MAGI2: variants seen among roughly 807,000 people sequenced by gnomAD.
MAGI2 encodes membrane-associated guanylate kinase, WW and PDZ domain-containing protein 2.
MAGI2 carries 35 observed loss-of-function variants against 133.3 expected under a neutral mutation model. That is an observed-to-expected ratio of 0.26 (90% CI 0.20 to 0.35). MAGI2 has a LOEUF of 0.35. MAGI2 is among the 10% of genes least tolerant of loss of function. The pLI is 1.00. For synonymous variants in MAGI2, 729 were observed against 710.6 expected (o/e 1.03, Z -0.41); for missense variants, 1,636 against 1,863.4 (o/e 0.88, Z 2.25).
intron 2 of MAGI2, among the ~76,000 whole-genome samples, chr7:78,666,994 C>A (rs182282429): frequency 6.6e-6 from 1 of 152,076 alleles, no homozygotes; most frequent in Admixed American, 6.6e-5. Flanking sequence ...TATATTTTAA[C>A]TCATTGCAAA....
chr7:78,351,641 C>G (rs900192181), intron 7 of MAGI2: 1 of 152,038 alleles, frequency 6.6e-6, no homozygotes, highest in African/African-American at 2.4e-5. Flanking sequence ...TTCCAATTCC[C>G]CATCTCTGCA....
At chr7:78,731,875 T>C (rs1821397314) in intron 2 of MAGI2, among the ~76,000 whole-genome samples, 1 of 152,184 alleles carries the variant, frequency 6.6e-6, no homozygotes, top group African/African-American at 2.4e-5. Flanking sequence ...TTCTTCTGCA[T>C]ACGTGTACTC....
At chr7:78,227,834 C>T (rs373007250) in intron 10 of MAGI2, among the ~76,000 whole-genome samples, 2 of 117,992 alleles carry the variant, frequency 1.7e-5, no homozygotes, top group Admixed American at 1.8e-4. Flanking sequence ...AAATACCATA[C>T]TGCCTTCTTA....
chr7:78,078,788 ATGTG>A (rs67657112), intron 21 of MAGI2, 155 bp downstream of exon 21: 4,416 of 608,190 alleles, frequency 7.3e-3, no homozygotes, highest in East Asian at 0.031. Flanking sequence ...GTGTGTGTGT[ATGTG>A]TGTGTGTGTG....
At chr7:79,330,180 C>CTGTTT (rs1839963934) in intron 1 of MAGI2, among the ~76,000 whole-genome samples, 1 of 59,126 alleles carries the variant, frequency 1.7e-5, no homozygotes, top group Non-Finnish European at 2.8e-5. Context: ...CAATCTGCAT[C>CTGTTT]TTTTTTTTTT....
intron 2 of MAGI2, among the ~76,000 whole-genome samples, chr7:78,960,697 C>T (rs1802762173): frequency 6.6e-6 from 1 of 152,174 alleles, no homozygotes; most frequent in African/African-American, 2.4e-5. Flanking sequence ...GTCTTTTACA[C>T]TGATAATAAG....
intron 21 of MAGI2, among the ~76,000 whole-genome samples, chr7:78,026,498 G>GA (rs969885665): frequency 6.6e-6 from 1 of 152,252 alleles, no homozygotes; most frequent in African/African-American, 2.4e-5. Context: ...ATCCTGTGCT[G>GA]AAGACACAGA....
intron 9 of MAGI2, among the ~76,000 whole-genome samples, chr7:78,282,498 G>A (rs142912496): frequency 6.6e-6 from 1 of 152,014 alleles, no homozygotes; most frequent in Non-Finnish European, 1.5e-5. Flanking sequence ...ATCAGAGACC[G>A]TGTAGCCCAT....
intron 3 of MAGI2, among the ~76,000 whole-genome samples, chr7:78,598,959 G>A (rs979454602): frequency 2.6e-5 from 4 of 152,108 alleles, no homozygotes; most frequent in Non-Finnish European, 4.4e-5. Context: ...TGTCAGGAAC[G>A]CATTGGATTC....
intron 21 of MAGI2, chr7:78,078,072 G>A (rs960202252): frequency 6.6e-5 from 10 of 151,374 alleles, no homozygotes; most frequent in African/African-American, 2.4e-4. Context: ...AAGGATGAAA[G>A]TGAGTCAATT....
chr7:79,334,675 C>T (rs963185764), intron 1 of MAGI2, among the ~76,000 whole-genome samples: 1 of 152,138 alleles, frequency 6.6e-6, no homozygotes, highest in Admixed American at 6.5e-5. Flanking sequence ...TACCTCTAGC[C>T]ATATTGCTCT....
chr7:79,203,393 A>G (rs1193654111), intron 1 of MAGI2, among the ~76,000 whole-genome samples: 2 of 152,040 alleles, frequency 1.3e-5, no homozygotes, highest in African/African-American at 4.8e-5. Context: ...GCCCTATTTC[A>G]TCTGGTCCTG....
chr7:78,075,148 C>T (rs567828110), intron 21 of MAGI2, among the ~76,000 whole-genome samples: 5 of 152,270 alleles, frequency 3.3e-5, no homozygotes, highest in East Asian at 1.9e-4. Context: ...CCTGCATCAC[C>T]GGCTCTAGTG....
chr7:78,955,675 T>TCCTC (rs1178327376), intron 2 of MAGI2, among the ~76,000 whole-genome samples: 3 of 146,216 alleles, frequency 2.1e-5, no homozygotes, highest in African/African-American at 7.7e-5. Flanking sequence ...TTTCCTTCCT[T>TCCTC]CCTCCCTCCC....
At chr7:79,336,405 G>C (rs1585618301) in intron 1 of MAGI2, among the ~76,000 whole-genome samples, 1 of 151,736 alleles carries the variant, frequency 6.6e-6, no homozygotes, top group African/African-American at 2.4e-5. Context: ...AATAAAACTA[G>C]GATGATCTAT....
intron 2 of MAGI2, among the ~76,000 whole-genome samples, chr7:78,890,448 C>T (rs1796647736): frequency 6.6e-6 from 1 of 152,166 alleles, no homozygotes; most frequent in Non-Finnish European, 1.5e-5. Context: ...CACACCACAC[C>T]TATTCCAAAA....
chr7:79,330,357 C>T (rs1278344894), intron 1 of MAGI2, among the ~76,000 whole-genome samples: 1 of 151,732 alleles, frequency 6.6e-6, no homozygotes, highest in Non-Finnish European at 1.5e-5. Context: ...CCACGCCCGG[C>T]TAATTTTTTT....
At chr7:79,060,316 C>T (rs1395260453) in intron 1 of MAGI2, among the ~76,000 whole-genome samples, 1 of 151,480 alleles carries the variant, frequency 6.6e-6, no homozygotes, top group Non-Finnish European at 1.5e-5. Flanking sequence ...ACAATATGGC[C>T]CCAATTTTAT....
intron 1 of MAGI2, among the ~76,000 whole-genome samples, chr7:79,308,649 C>T (rs1436892087): frequency 6.6e-6 from 1 of 152,116 alleles, no homozygotes; most frequent in Non-Finnish European, 1.5e-5. Context: ...GGAAACATTT[C>T]TGGAATCATA....
Sources: gnomAD v4.1 joint callset for allele counts (sites outside exome capture counted in the v4.1 genomes callset) on GRCh38, gnomAD v4.1.1 for gene constraint, MANE v1.5 for transcripts, NCBI Gene and HGNC (gene_info 2026-07-23, HGNC 2026-07-21) for gene names.